XPO7: variants seen among roughly 807,000 people sequenced by gnomAD.
XPO7 encodes exportin 7.
In XPO7, 21 loss-of-function variants were observed where a neutral mutation model predicts 144.3. The observed-to-expected ratio is 0.15, with a 90% CI of 0.10 to 0.21. The LOEUF (loss-of-function observed/expected upper bound fraction) is 0.21, where lower values mean the gene tolerates loss of function less well. XPO7 is among the 10% of genes least tolerant of loss of function. XPO7 has a pLI of 1.00. For missense variants in XPO7, 808 were observed against 1,325.8 expected (o/e 0.61, Z 6.06); for synonymous variants, 580 against 499.6 (o/e 1.16, Z -2.15).
At chr8:21,927,264 AAAT>A (rs1810487850) in intron 1 of XPO7, among the ~76,000 whole-genome samples, 2 of 152,106 alleles carry the variant, frequency 1.3e-5, no homozygotes, top group Non-Finnish European at 1.5e-5. Flanking sequence ...AATTCAAATA[AAAT>A]AAGGACATTA....
chr8:22,000,986 G>A (rs534981999), intron 24 of XPO7, among the ~76,000 whole-genome samples: 5 of 152,132 alleles, frequency 3.3e-5, no homozygotes, highest in African/African-American at 9.6e-5. Context: ...TCCAATCAAG[G>A]TATCAGCCCT....
chr8:22,001,996 C>T (rs1429976632), intron 24 of XPO7, 116 bp from the exon 25 acceptor site: 5 of 1,262,456 alleles, frequency 4.0e-6, no homozygotes, highest in Non-Finnish European at 5.4e-6. Context: ...TCATCTTGAG[C>T]AACCGCCTTG....
chr8:21,967,542 A>G (rs1811924113), intron 2 of XPO7, among the ~76,000 whole-genome samples: 1 of 152,062 alleles, frequency 6.6e-6, no homozygotes, highest in Non-Finnish European at 1.5e-5. Context: ...CGTGTTGGTC[A>G]GGCTGGTCTC....
At chr8:21,934,695 A>G (rs531224661) in intron 1 of XPO7, among the ~76,000 whole-genome samples, 2 of 152,228 alleles carry the variant, frequency 1.3e-5, no homozygotes, top group South Asian at 2.1e-4. Context: ...AGACATCCCA[A>G]CTGAAGCTTG....
At position 21,975,305 on chromosome 8, in the gene XPO7, T is replaced by G. The variant is rs182337023; in HGVS notation, c.597+531T>G. ...TTTGAATTTTTAACATCCATTTAGA[T>G]TTAATAACCTGGAGGAGTAGACAGT... On this transcript the variant is annotated intron_variant, in intron 6 of 27. Transcript: ENST00000252512. 2.8e-3 allele frequency among the ~76,000 whole-genome samples: 423 copies of G among 152,326 alleles called. 2 individuals carry two copies. The highest frequency in any genetic ancestry group is 0.027 in the South Asian group (129 of 4,828).
At chr8:22,004,071 C>A in intron 27 of XPO7, 41 bp downstream of exon 27, 1 of 1,608,480 alleles carries the variant, frequency 6.2e-7, no homozygotes, top group Non-Finnish European at 8.5e-7. Context: ...CAGACAATTG[C>A]TATTTTTCAA....
intron 1 of XPO7, among the ~76,000 whole-genome samples, chr8:21,941,049 C>G (rs1442168659): frequency 6.6e-6 from 1 of 151,996 alleles, no homozygotes; most frequent in Non-Finnish European, 1.5e-5. Flanking sequence ...CAGACCTCCC[C>G]CATATATCTA....
Position 21,989,905 on chromosome 8 carries a change from A to G in XPO7, c.1869-439A>G, listed in dbSNP as rs7013169. On this transcript the variant is annotated intron_variant, in intron 16 of 27. Transcript: ENST00000252512. ...TGCTCTGTTGCCCAGGCTGGAGTGC[A>G]GTTGCGCGATCTCGGCTCACTACAA... Among the ~76,000 whole-genome samples the G allele has an allele frequency of 5.8e-3, 682 of 117,724 alleles. 6 individuals are homozygous for G. The highest frequency in any genetic ancestry group is 0.021 in the African/African-American group (649 of 31,320). 77.2% of individuals were successfully genotyped at this position (117,724 alleles called of 152,430 possible). A position where few individuals can be genotyped will look rare whatever the true frequency, so the allele number is the denominator to read the frequency against.
At chr8:21,947,547 A>G (rs1162019827) in intron 1 of XPO7, among the ~76,000 whole-genome samples, 1 of 152,184 alleles carries the variant, frequency 6.6e-6, no homozygotes, top group East Asian at 1.9e-4. Flanking sequence ...CAACATAGAC[A>G]CACATCATAC....
chr8:21,989,028 C>A lies in XPO7; in HGVS notation c.1813C>A (p.Arg605Ser). ...CATCACCAACTTGAAGTACTGGGGC[C>A]GTTGTGAACCAATCACCTCCAAGAC... ...KIITNLKYWG[R>S]CEPITSKTLQ... is the part of the protein sequence containing the mutation. Residue 605 changes from arginine to serine, a missense_variant, in exon 16 of 28, where the codon CGT (arginine) becomes AGT (serine). By Grantham distance (110) the Arg-to-Ser change is moderately radical (BLOSUM62 -1). Coordinates refer to ENST00000252512, the MANE Select transcript of XPO7 (RefSeq NM_015024.5). 1 of 1,613,616 alleles carries A rather than the reference C, an allele frequency of 6.2e-7. No individual in the cohort carries two copies. Among genetic ancestry groups the A allele is most frequent in the East Asian group, 2.2e-5 (1 of 44,864 alleles).
rs748905660 is a variant in XPO7 at position 21,990,842 on chromosome 8, A to G, written c.1964A>G (p.Asn655Ser). 5 of 1,613,782 alleles carry G rather than the reference A, an allele frequency of 3.1e-6. No homozygotes were observed. Among genetic ancestry groups the G allele is most frequent in the Non-Finnish European group, 4.2e-6 (5 of 1,179,882 alleles). ...CACTTTTCATTTTTGGGTATTAACA[A>G]TCAGTCCAACCTGACAGACATGCGG... ...SEHFSFLGIN[N>S]QSNLTDMRCR... The change falls in exon 18 of 28, where the codon AAT becomes AGT. Residue 655 changes from asparagine to serine, a missense_variant. Physicochemically the swap from Asn to Ser is conservative, Grantham distance 46. Transcript: ENST00000252512.
chr8:21,925,803 A>G (rs1271600024), intron 1 of XPO7, among the ~76,000 whole-genome samples: 3 of 152,228 alleles, frequency 2.0e-5, no homozygotes, highest in Non-Finnish European at 2.9e-5. Context: ...TTCTCAATTC[A>G]TATGTACATG....
chr8:21,987,261 G>A lies in XPO7; in HGVS notation c.1698G>A (p.Val566=), dbSNP rs1182204762. The part of the protein sequence containing the change: ...QFRKIYIGDQ[V]QKSSKLYRRL... ...GTAAGATCTACATTGGGGACCAAGT[G>A]CAGAAATCCTCTAAGGTAACAGCCT... Residue 566 remains valine, a synonymous_variant, in exon 14 of 28, where the codon GTG becomes GTA. Coordinates refer to ENST00000252512, the MANE Select transcript of XPO7 (RefSeq NM_015024.5). The A allele has an allele frequency of 1.2e-6, 2 of 1,613,916 alleles. No homozygotes were observed. Among genetic ancestry groups the A allele is most frequent in the African/African-American group, 1.3e-5 (1 of 74,938 alleles).
intron 24 of XPO7, among the ~76,000 whole-genome samples, chr8:22,000,942 A>G (rs1487432754): frequency 2.0e-5 from 3 of 152,136 alleles, no homozygotes; most frequent in Non-Finnish European, 4.4e-5. Flanking sequence ...TACTTCTATC[A>G]GTCTATCAGG....
rs762077746 is a variant in XPO7 at position 21,997,161 on chromosome 8, A to G, written c.2345+1562A>G. Among the ~76,000 whole-genome samples, 4 of 152,334 alleles carry G rather than the reference A, an allele frequency of 2.6e-5. No individual in the cohort carries two copies. The East Asian group carries it at 7.7e-4, about 29-fold the overall frequency. On this transcript the variant is annotated intron_variant, in intron 21 of 27. Coordinates refer to ENST00000252512, the MANE Select transcript of XPO7 (RefSeq NM_015024.5). ...GGAGTGGGTAATATTTAAAGAGGCTATAACCTCCCAGGAGACTTATATTCA... is the reference window on the plus strand; with the variant it reads ...GGAGTGGGTAATATTTAAAGAGGCTGTAACCTCCCAGGAGACTTATATTCA...
chr8:21,994,720 T>C (rs775807189), intron 20 of XPO7, among the ~76,000 whole-genome samples: 10 of 151,992 alleles, frequency 6.6e-5, no homozygotes, highest in Non-Finnish European at 1.2e-4. Flanking sequence ...TGTAGAACTG[T>C]TGGTTTTGCT....
rs1813175814 is a variant in XPO7 at position 22,002,279 on chromosome 8, A to C, written c.2943+7A>C. 5 of 1,611,392 alleles carry C rather than the reference A, an allele frequency of 3.1e-6. No homozygotes were observed. Among genetic ancestry groups the C allele is most frequent in the Non-Finnish European group, 4.2e-6 (5 of 1,178,960 alleles). On this transcript the variant is annotated splice_region_variant and intron_variant, in intron 25 of 27. Coordinates refer to ENST00000252512, the MANE Select transcript of XPO7 (RefSeq NM_015024.5). ...TCCAGAGATGATCCAGCAGGTAAGA[A>C]AGTGGAGGCTTAGGAGGCAGTGATG...
chr8:22,001,559 C>T (rs188707946), intron 24 of XPO7, among the ~76,000 whole-genome samples: 1 of 152,280 alleles, frequency 6.6e-6, no homozygotes, highest in East Asian at 1.9e-4. Flanking sequence ...TTCTAACAAA[C>T]CATAAACATT....
At chr8:21,956,586 T>A (rs376682626) in intron 1 of XPO7, among the ~76,000 whole-genome samples, 3 of 152,316 alleles carry the variant, frequency 2.0e-5, no homozygotes, top group African/African-American at 7.2e-5. Flanking sequence ...GTCTCTGATT[T>A]TTTTAAACTT....
Sources: allele counts gnomAD v4.1 joint callset (sites outside exome capture counted in the v4.1 genomes callset), GRCh38; gene constraint gnomAD v4.1.1; transcripts MANE v1.5; gene names NCBI Gene and HGNC (gene_info 2026-07-23, HGNC 2026-07-21).